Variants in UVSSA observed in about 807,000 individuals in gnomAD.
The protein encoded by UVSSA is UV stimulated scaffold protein A, also known as UV-stimulated scaffold protein A.
Under a neutral mutation model 73.9 loss-of-function variants are expected in UVSSA, and 72 were observed. The observed-to-expected ratio is 0.97, with a 90% CI of 0.81 to 1.19. The LOEUF is 1.19. Among genes scored for constraint, UVSSA ranks in the 50% most tolerant of loss-of-function variants. The probability of loss-of-function intolerance (pLI) is 0.00; values close to 1 mark genes in which losing one functional copy is unlikely to be tolerated. For missense variants in UVSSA, 1,150 were observed against 965.0 expected (o/e 1.19, Z -2.54); for synonymous variants, 454 against 391.3 (o/e 1.16, Z -1.89).
At chr4:1,394,720 T>A (rs55703801) in exon 14 of UVSSA, 1 of 1,404,020 alleles carries the variant, frequency 7.1e-7, no homozygotes, top group Non-Finnish European at 9.5e-7. Context: ...CACACACGTG[T>A]CCATGTGGAG....
intron 9 of UVSSA, among the ~76,000 whole-genome samples, 176 bp downstream of exon 9, chr4:1,375,684 A>G (rs1211165312): frequency 1.3e-5 from 2 of 152,218 alleles, no homozygotes; most frequent in African/African-American, 4.8e-5. Flanking sequence ...TGGGCTTGTC[A>G]GTGCCAGCAT....
At chr4:1,365,082 G>A (rs551197972) in intron 7 of UVSSA, among the ~76,000 whole-genome samples, 19 of 152,356 alleles carry the variant, frequency 1.2e-4, no homozygotes, top group Admixed American at 4.6e-4. Context: ...TTCTGAGCGC[G>A]TGGATGGAGC....
chr4:1,364,997 T>C (rs1717126146), intron 7 of UVSSA, among the ~76,000 whole-genome samples: 1 of 152,132 alleles, frequency 6.6e-6, no homozygotes, highest in African/African-American at 2.4e-5. Context: ...CACCCTGTCC[T>C]GGGCCGTGGT....
intron 8 of UVSSA, among the ~76,000 whole-genome samples, chr4:1,373,747 C>G (rs931151421): frequency 1.3e-5 from 2 of 152,166 alleles, no homozygotes; most frequent in African/African-American, 4.8e-5. Flanking sequence ...GACACCTGCG[C>G]GTCCCCCACA....
chr4:1,380,026 G>T (rs1267225722), intron 10 of UVSSA, 21 bp from the exon 11 acceptor site: 2 of 1,581,554 alleles, frequency 1.3e-6, no homozygotes, highest in African/African-American at 2.7e-5. Context: ...ATGCTATGAG[G>T]GCCTCTGGCT....
intron 8 of UVSSA, among the ~76,000 whole-genome samples, chr4:1,367,876 C>G (rs146925731): frequency 7.2e-5 from 11 of 152,340 alleles, no homozygotes; most frequent in Admixed American, 7.2e-4. Context: ...GTTCTTCCAA[C>G]ACCAGCATCC....
intron 8 of UVSSA, among the ~76,000 whole-genome samples, chr4:1,371,698 C>T (rs1335480005): frequency 2.0e-5 from 3 of 152,160 alleles, no homozygotes; most frequent in Admixed American, 1.3e-4. Flanking sequence ...CTTTTACAGC[C>T]GTCAGATCTC....
At chr4:1,376,959 C>A (rs1178845323) in intron 10 of UVSSA, among the ~76,000 whole-genome samples, 1 of 152,234 alleles carries the variant, frequency 6.6e-6, no homozygotes, top group South Asian at 2.1e-4. Context: ...TCCCCGCCAT[C>A]AAGACCCAGG....
chr4:1,355,945 A>G (rs2109114440), intron 7 of UVSSA, among the ~76,000 whole-genome samples: 1 of 152,152 alleles, frequency 6.6e-6, no homozygotes, highest in South Asian at 2.1e-4. Context: ...TGGAATGGAA[A>G]TCTGGGCCTC....
intron 4 of UVSSA, 95 bp from the exon 5 acceptor site, chr4:1,352,935 A>G: frequency 1.3e-6 from 2 of 1,482,142 alleles, no homozygotes; most frequent in Non-Finnish European, 1.8e-6. Context: ...GAAAAGTGAC[A>G]CCCTGCGGGG....
At chr4:1,383,509 G>C (rs547585033) in intron 12 of UVSSA, among the ~76,000 whole-genome samples, 1 of 152,346 alleles carries the variant, frequency 6.6e-6, no homozygotes, top group Non-Finnish European at 1.5e-5. Context: ...GGGCCTGTGG[G>C]GGTGTGGGGC....
intron 7 of UVSSA, among the ~76,000 whole-genome samples, chr4:1,356,422 G>T (rs2336080): frequency 2.0e-5 from 3 of 152,194 alleles, no homozygotes; most frequent in African/African-American, 7.2e-5. Flanking sequence ...CTTTAAGTCC[G>T]AAACTGACTC....
At chr4:1,395,519 C>G (rs769743614) in exon 14 of UVSSA, 26 of 1,603,118 alleles carry the variant, frequency 1.6e-5, no homozygotes, top group Non-Finnish European at 2.0e-5. Flanking sequence ...CACACACATG[C>G]CGATGTGGAG....
chr4:1,368,166 TC>T (rs1406287592), intron 8 of UVSSA, among the ~76,000 whole-genome samples: 2 of 152,242 alleles, frequency 1.3e-5, no homozygotes, highest in Admixed American at 1.3e-4. Flanking sequence ...CCCGGACCCC[TC>T]CTGGGCATCT....
At chr4:1,348,241 C>T (rs762284452) in intron 2 of UVSSA, 52 bp downstream of exon 2, 2 of 1,419,804 alleles carry the variant, frequency 1.4e-6, no homozygotes, top group Non-Finnish European at 2.0e-6. Flanking sequence ...GAGCCCAGGA[C>T]ACACACAGGG....
At chr4:1,376,480 C>T (rs772992022) in intron 10 of UVSSA, among the ~76,000 whole-genome samples, 20 of 152,206 alleles carry the variant, frequency 1.3e-4, no homozygotes, top group Admixed American at 4.6e-4. Flanking sequence ...CCCTGGGGCC[C>T]GTTCAGTTTG....
rs560174144 is a variant in UVSSA, at chr4:1,369,838, A to G, written c.1288+3407A>G. Among the ~76,000 whole-genome samples, 6 of 152,364 alleles carry G rather than the reference A, an allele frequency of 3.9e-5. No homozygotes were observed. The East Asian group carries it at 9.6e-4, about 24-fold the overall frequency. ...ATTTTTATGATTCTTTCTCAAAACA[A>G]CTGTGGGAGTGAATTTGAGCCAAGA... is the stretch of plus-strand genomic sequence containing the variant. On this transcript the variant is annotated intron_variant, in intron 8 of 13. Transcript: ENST00000389851.
intron 8 of UVSSA, among the ~76,000 whole-genome samples, 155 bp downstream of exon 8, chr4:1,366,586 G>A (rs1354513006): frequency 1.3e-5 from 2 of 152,176 alleles, no homozygotes; most frequent in Admixed American, 1.3e-4. Flanking sequence ...GCTCACGGTC[G>A]TAGCCACGAG....
intron 10 of UVSSA, among the ~76,000 whole-genome samples, chr4:1,377,483 G>C (rs1718917643): frequency 6.6e-6 from 1 of 152,134 alleles, no homozygotes; most frequent in Non-Finnish European, 1.5e-5. Context: ...AGCGGCCGGA[G>C]AGGTCGGGAA....
Sources: gnomAD v4.1 joint callset for allele counts (sites outside exome capture counted in the v4.1 genomes callset) on GRCh38, gnomAD v4.1.1 for gene constraint, MANE v1.5 for transcripts, NCBI Gene and HGNC (gene_info 2026-07-23, HGNC 2026-07-21) for gene names.